Variants in NPSR1 observed in about 807,000 individuals in gnomAD.
The protein encoded by NPSR1 is neuropeptide S receptor 1.
In NPSR1, 48 loss-of-function variants were observed where a neutral mutation model predicts 46.9. The ratio of observed to expected loss-of-function variants is 1.02; its 90% CI spans 0.81 to 1.30. The LOEUF is 1.30. Among genes scored for constraint, NPSR1 ranks in the 50% most tolerant of loss-of-function variants. The probability of loss-of-function intolerance (pLI) is 0.00; values close to 1 mark genes in which losing one functional copy is unlikely to be tolerated. For missense variants in NPSR1, 450 were observed against 449.5 expected (o/e 1.00, Z -0.01); for synonymous variants, 176 against 168.1 (o/e 1.05, Z -0.36).
chr7:34,801,711 C>T lies in NPSR1; in HGVS notation c.385-10059C>T, dbSNP rs561296756. 3.6e-4 allele frequency among the ~76,000 whole-genome samples: 53 copies of T among 147,360 alleles called. 3 individuals carry two copies. The highest frequency in any genetic ancestry group is 2.0e-3 in the Admixed American group (30 of 15,012). ...CCTATTCAACATAGTGTTGGAAGTTCTGGCCAGGGCAATTAGGCAGGAGAA... is the reference window on the plus strand; with the variant it reads ...CCTATTCAACATAGTGTTGGAAGTTTTGGCCAGGGCAATTAGGCAGGAGAA... On this transcript the variant is annotated intron_variant, in intron 3 of 8. Transcript: ENST00000360581.
chr7:34,715,516 G>T (rs66817183), intron 2 of NPSR1, among the ~76,000 whole-genome samples: 33,197 of 152,090 alleles, frequency 0.22, 4,037 homozygotes, highest in African/African-American at 0.33. Flanking sequence ...ATATCCCATG[G>T]ATGGGGTCAT....
At position 34,849,911 on chromosome 7, in the gene NPSR1, C is replaced by A; in HGVS notation, c.*256C>A. The stretch of plus-strand genomic sequence containing the variant: ...ATTCCCAGCCCTCCTTCCCACTGGC[C>A]AGCACCTGAACCCAGTGAACACAGG... On this transcript the variant is annotated 3_prime_UTR_variant, in exon 9 of 9. Coordinates refer to ENST00000360581, the MANE Select transcript of NPSR1 (RefSeq NM_207172.2). 1 of 1,262,186 alleles carries A rather than the reference C, an allele frequency of 7.9e-7. No homozygotes were observed. The highest frequency in any genetic ancestry group is 1.9e-5 in the South Asian group (1 of 53,424). 78.2% of individuals were successfully genotyped at this position (1,262,186 alleles called of 1,614,324 possible).
chr7:34,784,683 G>A (rs1028124244), intron 3 of NPSR1, among the ~76,000 whole-genome samples: 3 of 152,102 alleles, frequency 2.0e-5, no homozygotes, highest in Non-Finnish European at 4.4e-5. Context: ...TTGGTATCAG[G>A]ATGATGCTGG....
chr7:34,805,172 T>C (rs899517836), intron 3 of NPSR1, among the ~76,000 whole-genome samples: 1 of 151,860 alleles, frequency 6.6e-6, no homozygotes, highest in African/African-American at 2.4e-5. Context: ...TTTATCAATA[T>C]AAACAAACTC....
chr7:34,795,210 A>C (rs1584040926), intron 3 of NPSR1, among the ~76,000 whole-genome samples: 1 of 152,312 alleles, frequency 6.6e-6, no homozygotes, highest in East Asian at 1.9e-4. Context: ...AACAAATTAC[A>C]ACACCTATTA....
rs902517470 is a variant in NPSR1, at chr7:34,750,258, T to C, written c.281-28204T>C. 1.1e-5 allele frequency: 7 copies of C among 662,354 alleles called. No individual in the cohort carries two copies. The African/African-American group carries it at 1.1e-4, about 10-fold the overall frequency. 41.0% of individuals were successfully genotyped at this position (662,354 alleles called of 1,614,324 possible). ...ACAGGCAAGATGACTTCTCAGGATC[T>C]GTGCCTGCGAGCTGATGCTCTGAGA... is the stretch of plus-strand genomic sequence containing the variant. On this transcript the variant is annotated intron_variant, in intron 2 of 8. Coordinates refer to ENST00000360581, the MANE Select transcript of NPSR1 (RefSeq NM_207172.2).
At chr7:34,753,085 A>G (rs868331362) in intron 2 of NPSR1, among the ~76,000 whole-genome samples, 2 of 152,208 alleles carry the variant, frequency 1.3e-5, no homozygotes, top group Non-Finnish European at 2.9e-5. Context: ...TCAGCAATCA[A>G]TAGTAATTGA....
intron 2 of NPSR1, among the ~76,000 whole-genome samples, chr7:34,733,283 G>A (rs901481300): frequency 3.3e-5 from 5 of 152,214 alleles, no homozygotes; most frequent in African/African-American, 4.8e-5. Context: ...AGCCGGGCAC[G>A]ATGGCGGTTG....
chr7:34,749,988 T>C (rs1434861067), intron 2 of NPSR1, among the ~76,000 whole-genome samples: 1 of 152,180 alleles, frequency 6.6e-6, no homozygotes, highest in Non-Finnish European at 1.5e-5. Context: ...AAGAGAGTTT[T>C]TTTTTTAAGT....
At chr7:34,795,995 T>C (rs1788153582) in intron 3 of NPSR1, among the ~76,000 whole-genome samples, 2 of 152,090 alleles carry the variant, frequency 1.3e-5, no homozygotes, top group Non-Finnish European at 2.9e-5. Context: ...CTTCCCAAAA[T>C]CAATATTTAC....
chr7:34,721,265 A>G (rs1313264968), intron 2 of NPSR1, among the ~76,000 whole-genome samples: 1 of 152,228 alleles, frequency 6.6e-6, no homozygotes, highest in Non-Finnish European at 1.5e-5. Flanking sequence ...ACGTCAAAGG[A>G]AAGGATAAGG....
chr7:34,827,142 G>A (rs531334634), intron 4 of NPSR1, among the ~76,000 whole-genome samples: 69 of 152,266 alleles, frequency 4.5e-4, no homozygotes, highest in African/African-American at 1.6e-3. Flanking sequence ...AAGTCAGATG[G>A]GTAAATCAGG....
chr7:34,829,592 A>G lies in NPSR1; in HGVS notation c.680+1990A>G, dbSNP rs146323780. Among the ~76,000 whole-genome samples the G allele has an allele frequency of 2.6e-3, 398 of 152,260 alleles. 6 individuals are homozygous for G. The highest frequency in any genetic ancestry group is 8.9e-3 in the African/African-American group (370 of 41,556). ...CTGCTGATTGATTTCCCATCAACTCAAGAAATGAACTCCAGTCAAAGTCCC... is the reference window on the plus strand; with the variant it reads ...CTGCTGATTGATTTCCCATCAACTCGAGAAATGAACTCCAGTCAAAGTCCC... On this transcript the variant is annotated intron_variant, in intron 5 of 8. Coordinates refer to ENST00000360581, the MANE Select transcript of NPSR1 (RefSeq NM_207172.2).
intron 1 of NPSR1, among the ~76,000 whole-genome samples, chr7:34,681,504 C>G (rs574980608): frequency 5.3e-5 from 8 of 152,154 alleles, no homozygotes; most frequent in Admixed American, 5.2e-4. Flanking sequence ...TCTTCTCCCA[C>G]GTGGATGAAC....
chr7:34,834,509 A>G, intron 6 of NPSR1, 49 bp downstream of exon 6: 9 of 1,328,566 alleles, frequency 6.8e-6, no homozygotes, highest in Non-Finnish European at 9.8e-6. Context: ...TTGCTTCTCC[A>G]GAGGTTTTCT....
At chr7:34,697,371 T>C (rs549984329) in intron 2 of NPSR1, among the ~76,000 whole-genome samples, 73 of 151,942 alleles carry the variant, frequency 4.8e-4, no homozygotes, top group African/African-American at 1.7e-3. Context: ...TTATGAAAAC[T>C]GACATTACTA....
At chr7:34,717,314 T>C (rs934020576) in intron 2 of NPSR1, among the ~76,000 whole-genome samples, 7 of 152,176 alleles carry the variant, frequency 4.6e-5, no homozygotes, top group African/African-American at 1.7e-4. Context: ...GTATTTTTAA[T>C]AGAGACAGGG....
At chr7:34,808,037 C>T (rs1788795684) in intron 3 of NPSR1, among the ~76,000 whole-genome samples, 1 of 151,970 alleles carries the variant, frequency 6.6e-6, no homozygotes, top group East Asian at 1.9e-4. Flanking sequence ...CCAGTGATTC[C>T]CACATGTAAT....
intron 3 of NPSR1, chr7:34,779,638 G>A (rs1429576249): frequency 6.1e-6 from 7 of 1,156,468 alleles, no homozygotes; most frequent in Non-Finnish European, 7.7e-6. Context: ...AGTTTGGTAT[G>A]TCTGAAAGAG....
Sources: allele counts gnomAD v4.1 joint callset (sites outside exome capture counted in the v4.1 genomes callset), GRCh38; gene constraint gnomAD v4.1.1; transcripts MANE v1.5; gene names NCBI Gene and HGNC (gene_info 2026-07-23, HGNC 2026-07-21).